Variants in NALF1 observed in about 807,000 individuals in gnomAD.
NALF1 encodes NALCN channel auxiliary factor 1.
A neutral mutation model predicts 48.4 loss-of-function variants in NALF1; 3 were observed. The ratio of observed to expected loss-of-function variants is 0.06; its 90% confidence interval spans 0.03 to 0.16. NALF1 has a LOEUF of 0.16. Ranked by LOEUF, NALF1 falls within the 10% of genes least tolerant of loss-of-function variation. NALF1 has a pLI of 1.00. For missense variants in NALF1, 526 were observed against 571.5 expected, an observed-to-expected ratio of 0.92 and a Z score of 0.81; for synonymous variants, 262 against 245.7, an observed-to-expected ratio of 1.07 and a Z score of -0.62.
chr13:107,174,364 T>TTTA (rs1491456898), intron 2 of NALF1, among the ~76,000 whole-genome samples: 161 of 124,736 alleles, frequency 1.3e-3, no homozygotes, highest in African/African-American at 4.5e-3. Flanking sequence ...TATTTATTTA[T>TTTA]TTTTTTTTTT....
At chr13:107,738,216 G>A (rs899654854) in intron 1 of NALF1, among the ~76,000 whole-genome samples, 3 of 152,158 alleles carry the variant, frequency 2.0e-5, no homozygotes, top group Admixed American at 6.5e-5. Context: ...GTTCATTTAT[G>A]TCTTGCCAGA....
intron 1 of NALF1, among the ~76,000 whole-genome samples, chr13:107,515,972 G>T (rs1284091241): frequency 1.3e-5 from 2 of 152,188 alleles, no homozygotes; most frequent in African/African-American, 4.8e-5. Flanking sequence ...ATGATTCTGG[G>T]CTAAGTAGAA....
At chr13:107,535,078 T>C (rs1413110205) in intron 1 of NALF1, among the ~76,000 whole-genome samples, 1 of 152,122 alleles carries the variant, frequency 6.6e-6, no homozygotes, top group Non-Finnish European at 1.5e-5. Context: ...CTTAAGGAGA[T>C]TTTGGGTCAA....
Position 107,816,850 on chromosome 13 carries a change from A to G in NALF1, c.915+48832T>C, listed in dbSNP as rs182662644. 4.3e-3 allele frequency among the ~76,000 whole-genome samples: 660 copies of G among 152,304 alleles called. 6 individuals are homozygous for G. Among genetic ancestry groups the G allele is most frequent in the Admixed American group, 6.2e-3 (95 of 15,294 alleles). On this transcript the variant is annotated intron_variant, in intron 1 of 2. Transcript: ENST00000375915. ...AGACCTCTCTCTCTCTTCCCAGTCC[A>G]GGAATAGACAGGGATATTTAAAACA...
rs537626865 is a variant in NALF1, at chr13:107,191,304, C to T, written c.1087+19280G>A. On this transcript the variant is annotated intron_variant, in intron 2 of 2. Transcript: ENST00000375915. ...GTTTGAAATGATAAAGATAAAATAA[C>T]AAAATTAGTGATTTTTTTGAAAAAT... Among the ~76,000 whole-genome samples the T allele has an allele frequency of 2.6e-5, 4 of 151,662 alleles. No homozygotes were observed. In the East Asian group the frequency reaches 7.7e-4, roughly 29 times the overall value.
intron 1 of NALF1, among the ~76,000 whole-genome samples, chr13:107,391,587 T>C (rs556632951): frequency 4.2e-4 from 63 of 151,752 alleles, no homozygotes; most frequent in Non-Finnish European, 8.4e-4. Flanking sequence ...CTTACAACCC[T>C]CTCTCTCTCT....
intron 2 of NALF1, among the ~76,000 whole-genome samples, chr13:107,207,204 T>C (rs1879661867): frequency 6.6e-6 from 1 of 152,204 alleles, no homozygotes; most frequent in South Asian, 2.1e-4. Context: ...TCCCTTCCCA[T>C]TTCTTTTTTC....
intron 1 of NALF1, among the ~76,000 whole-genome samples, chr13:107,839,469 T>C (rs1207750191): frequency 1.3e-5 from 2 of 151,452 alleles, no homozygotes; most frequent in East Asian, 1.9e-4. Context: ...GAAATGCTAG[T>C]TATTTCATAT....
chr13:107,554,378 G>A (rs1877391843), intron 1 of NALF1, among the ~76,000 whole-genome samples: 1 of 152,200 alleles, frequency 6.6e-6, no homozygotes, highest in Non-Finnish European at 1.5e-5. Flanking sequence ...GAGTTTGTGA[G>A]GCCTGAGTCA....
chr13:107,660,436 A>AACAC (rs201215515), intron 1 of NALF1, among the ~76,000 whole-genome samples: 220 of 93,666 alleles, frequency 2.3e-3, no homozygotes, highest in African/African-American at 0.011. Context: ...CTGTCTCAAA[A>AACAC]ACACACACAC....
intron 1 of NALF1, among the ~76,000 whole-genome samples, chr13:107,749,763 T>C (rs1212119034): frequency 6.6e-6 from 1 of 152,094 alleles, no homozygotes; most frequent in Non-Finnish European, 1.5e-5. Context: ...GTAAACTTGA[T>C]ATGAAATTAT....
At chr13:107,735,455 G>A (rs1876440000) in intron 1 of NALF1, among the ~76,000 whole-genome samples, 1 of 152,280 alleles carries the variant, frequency 6.6e-6, no homozygotes, top group African/African-American at 2.4e-5. Context: ...ATGCTGACTA[G>A]CTCTCTTTAT....
intron 1 of NALF1, among the ~76,000 whole-genome samples, chr13:107,692,648 G>T (rs1881593248): frequency 6.6e-6 from 1 of 152,136 alleles, no homozygotes; most frequent in South Asian, 2.1e-4. Flanking sequence ...AAATAAAAAT[G>T]TGAATCTGAA....
At chr13:107,326,366 A>G (rs911285789) in intron 1 of NALF1, among the ~76,000 whole-genome samples, 1 of 152,272 alleles carries the variant, frequency 6.6e-6, no homozygotes, top group East Asian at 1.9e-4. Flanking sequence ...AAATCTGGCC[A>G]GTCACAGGTA....
chr13:107,214,379 T>A (rs1482906186), intron 1 of NALF1, among the ~76,000 whole-genome samples: 2 of 152,262 alleles, frequency 1.3e-5, no homozygotes, highest in African/African-American at 4.8e-5. Flanking sequence ...ATCTTTTTTA[T>A]AATGGCTTGG....
intron 2 of NALF1, among the ~76,000 whole-genome samples, chr13:107,197,314 G>A (rs1879412283): frequency 6.6e-6 from 1 of 152,054 alleles, no homozygotes; most frequent in Non-Finnish European, 1.5e-5. Flanking sequence ...ACATCATATT[G>A]TATATCTTAA....
At chr13:107,647,958 T>C (rs1349812442) in intron 1 of NALF1, among the ~76,000 whole-genome samples, 3 of 152,146 alleles carry the variant, frequency 2.0e-5, no homozygotes, top group East Asian at 3.8e-4. Context: ...CTGAAGATTA[T>C]AGAAAAGAGT....
intron 1 of NALF1, among the ~76,000 whole-genome samples, chr13:107,478,468 A>T (rs1308623898): frequency 6.6e-6 from 1 of 152,186 alleles, no homozygotes; most frequent in African/African-American, 2.4e-5. Context: ...ACAAGAAAAA[A>T]AGTCAGTGTT....
intron 1 of NALF1, among the ~76,000 whole-genome samples, chr13:107,216,615 C>T (rs932926677): frequency 1.2e-4 from 18 of 152,088 alleles, no homozygotes; most frequent in Non-Finnish European, 2.1e-4. Context: ...TGGTGGTGAC[C>T]CACTTTTTGA....
Sources: allele counts gnomAD v4.1 joint callset (sites outside exome capture counted in the v4.1 genomes callset), GRCh38; gene constraint gnomAD v4.1.1; transcripts MANE v1.5; gene names NCBI Gene and HGNC (gene_info 2026-07-23, HGNC 2026-07-21).